PLS3: variants seen among roughly 807,000 people sequenced by gnomAD.
PLS3 encodes the protein plastin 3.
PLS3 carries 11 observed loss-of-function variants against 46.5 expected under a neutral mutation model. The ratio of observed to expected loss-of-function variants is 0.24; its 90% confidence interval spans 0.15 to 0.39. The LOEUF (loss-of-function observed/expected upper bound fraction) is 0.39, where lower values mean the gene tolerates loss of function less well. PLS3 is among the 10% of genes least tolerant of loss of function. The probability of loss-of-function intolerance (pLI) is 1.00; values close to 1 mark genes in which losing one functional copy is unlikely to be tolerated. For missense variants in PLS3, 308 were observed against 461.8 expected, an observed-to-expected ratio of 0.67 and a Z score of 3.05; for synonymous variants, 167 against 162.2, an observed-to-expected ratio of 1.03 and a Z score of -0.22.
At chrX:115,641,745 A>G (rs1556641017) in intron 9 of PLS3, among the ~76,000 whole-genome samples, 1 of 110,816 alleles carries the variant, frequency 9.0e-6, no homozygotes, top group Non-Finnish European at 1.9e-5. Context: ...CGATTCTGAT[A>G]CACCCCTTCT....
intron 1 of PLS3, among the ~76,000 whole-genome samples, chrX:115,565,946 TC>T (rs1218070866): frequency 1.8e-5 from 2 of 112,108 alleles, no homozygotes; most frequent in African/African-American, 6.5e-5. Flanking sequence ...GAATTTAGGG[TC>T]TTTTAGTCCT....
chrX:115,572,266 A>T (rs2074221017), intron 1 of PLS3, among the ~76,000 whole-genome samples: 1 of 111,331 alleles, frequency 9.0e-6, no homozygotes, highest in South Asian at 3.8e-4. Flanking sequence ...AGGCAGGAGG[A>T]TTGCTTGAGC....
intron 1 of PLS3, among the ~76,000 whole-genome samples, chrX:115,569,035 C>CAAA (rs782042707): frequency 1.1e-5 from 1 of 94,269 alleles, no homozygotes; most frequent in African/African-American, 4.5e-5. Context: ...GACTCCGTTT[C>CAAA]AAAAAAAAAA....
intron 2 of PLS3, chrX:115,614,172 T>C: frequency 6.6e-6 from 1 of 150,495 alleles, no homozygotes; most frequent in South Asian, 2.9e-4. Flanking sequence ...AGTTTCACCG[T>C]GTTAGCCAGG....
chrX:115,584,123 T>A (rs2074294238), intron 1 of PLS3, among the ~76,000 whole-genome samples: 1 of 112,084 alleles, frequency 8.9e-6, no homozygotes, highest in East Asian at 2.8e-4. Flanking sequence ...CAAGAGTAGA[T>A]GCCTTTTATC....
intron 1 of PLS3, among the ~76,000 whole-genome samples, chrX:115,600,845 C>T (rs1242737754): frequency 9.0e-6 from 1 of 111,019 alleles, no homozygotes; most frequent in Non-Finnish European, 1.9e-5. Context: ...GAGGATGAGG[C>T]TTCTGAACCT....
intron 2 of PLS3, among the ~76,000 whole-genome samples, chrX:115,612,271 G>T (rs1220791805): frequency 9.0e-6 from 1 of 111,370 alleles, no homozygotes; most frequent in African/African-American, 3.3e-5. Context: ...CCATTAAATT[G>T]TAGCATATAA....
At chrX:115,596,423 C>A (rs1437915014) in intron 1 of PLS3, among the ~76,000 whole-genome samples, 3 of 111,588 alleles carry the variant, frequency 2.7e-5, no homozygotes, top group African/African-American at 6.5e-5. Flanking sequence ...AGCTCACAGG[C>A]TCGTGGAGGA....
At chrX:115,633,359 C>T (rs996758274) in intron 5 of PLS3, among the ~76,000 whole-genome samples, 8 of 110,521 alleles carry the variant, frequency 7.2e-5, no homozygotes, top group Non-Finnish European at 1.3e-4. Flanking sequence ...TTAGTAGAGA[C>T]GGGGTTTTCC....
chrX:115,630,916 T>A (rs2147538236), intron 5 of PLS3, among the ~76,000 whole-genome samples: 2 of 96,243 alleles, frequency 2.1e-5, no homozygotes, highest in South Asian at 8.6e-4. Context: ...TACATGTATA[T>A]ATGTATATAT....
intron 2 of PLS3, among the ~76,000 whole-genome samples, chrX:115,615,815 G>A (rs1556636727): frequency 8.9e-6 from 1 of 111,870 alleles, no homozygotes; most frequent in Non-Finnish European, 1.9e-5. Flanking sequence ...AGGTTGAGAA[G>A]TGCTGGCATT....
chrX:115,593,024 T>G (rs1185928156), intron 1 of PLS3, among the ~76,000 whole-genome samples: 2 of 111,919 alleles, frequency 1.8e-5, no homozygotes, highest in Non-Finnish European at 3.8e-5. Context: ...GAGCTTACAT[T>G]TTTGACATAA....
At chrX:115,645,307 A>G (rs1556641541) in intron 11 of PLS3, among the ~76,000 whole-genome samples, 1 of 111,557 alleles carries the variant, frequency 9.0e-6, no homozygotes, top group Non-Finnish European at 1.9e-5. Context: ...GATAGAATAT[A>G]TAAATGTCTT....
intron 10 of PLS3, among the ~76,000 whole-genome samples, chrX:115,644,455 A>C (rs1043734476): frequency 5.5e-5 from 6 of 110,035 alleles, no homozygotes; most frequent in African/African-American, 2.0e-4. Flanking sequence ...AAAATTAGGC[A>C]GGCATTGTGG....
intron 1 of PLS3, among the ~76,000 whole-genome samples, chrX:115,589,494 T>G (rs1363959560): frequency 8.9e-6 from 1 of 111,963 alleles, no homozygotes; most frequent in Non-Finnish European, 1.9e-5. Context: ...GTTAGATCCC[T>G]TTGCTTCTAT....
intron 5 of PLS3, 141 bp from the exon 6 acceptor site, chrX:115,633,859 G>C: frequency 1.1e-5 from 5 of 463,389 alleles, no homozygotes; most frequent in Non-Finnish European, 1.9e-5. Context: ...CATGATAAAA[G>C]TCATCTAGCT....
At chrX:115,599,641 T>C (rs1188408941) in intron 1 of PLS3, among the ~76,000 whole-genome samples, 1 of 105,565 alleles carries the variant, frequency 9.5e-6, no homozygotes, top group African/African-American at 3.5e-5. Flanking sequence ...ATTATTATTA[T>C]TATTATTTTG....
intron 1 of PLS3, among the ~76,000 whole-genome samples, chrX:115,581,347 C>T (rs1208730515): frequency 8.9e-6 from 1 of 111,810 alleles, no homozygotes; most frequent in Non-Finnish European, 1.9e-5. Context: ...GTTTATTATT[C>T]ATGAATAGTA....
intron 1 of PLS3, among the ~76,000 whole-genome samples, chrX:115,585,062 A>T (rs1277269073): frequency 9.0e-6 from 1 of 111,426 alleles, no homozygotes; most frequent in Admixed American, 9.6e-5. Flanking sequence ...AAATTGCATT[A>T]TAGTGACTTC....
Sources: gnomAD v4.1 joint callset for allele counts (sites outside exome capture counted in the v4.1 genomes callset) on GRCh38, gnomAD v4.1.1 for gene constraint, MANE v1.5 for transcripts, NCBI Gene and HGNC (gene_info 2026-07-23, HGNC 2026-07-21) for gene names.